The following TTC21B variants were observed in gnomAD, a reference collection of about 807,000 sequenced individuals.
TTC21B encodes the protein tetratricopeptide repeat protein 21B.
TTC21B carries 127 observed loss-of-function variants against 175.1 expected under a neutral mutation model. The observed-to-expected ratio is 0.73, with a 90% confidence interval of 0.63 to 0.84. The LOEUF is 0.84. Among genes scored for constraint, TTC21B ranks in the 40% least tolerant of loss-of-function variants. The pLI, the probability that TTC21B is intolerant of heterozygous loss-of-function variation, is 0.00. For missense variants in TTC21B, 1,561 were observed against 1,558.3 expected, an observed-to-expected ratio of 1.00 and a Z score of -0.03; for synonymous variants, 524 against 524.5, an observed-to-expected ratio of 1.00 and a Z score of 0.01.
intron 24 of TTC21B, 99 bp downstream of exon 24, chr2:165,890,380 C>A: frequency 8.9e-7 from 1 of 1,117,994 alleles, no homozygotes; most frequent in Non-Finnish European, 1.3e-6. Context: ...TCTGACCTTT[C>A]ATTATTGCTA....
intron 1 of TTC21B, among the ~76,000 whole-genome samples, chr2:165,950,311 T>C (rs1207464929): frequency 6.6e-6 from 1 of 152,216 alleles, no homozygotes; most frequent in Non-Finnish European, 1.5e-5. Flanking sequence ...TTAAGCTTTT[T>C]CCAAAGTTAT....
At chr2:165,930,108 G>T in intron 9 of TTC21B, 64 bp downstream of exon 9, 1 of 1,473,700 alleles carries the variant, frequency 6.8e-7, no homozygotes, top group South Asian at 1.2e-5. Context: ...TTCTCTAATG[G>T]CAAGTTAAAA....
chr2:165,941,058 C>A lies in TTC21B; in HGVS notation c.679G>T (p.Asp227Tyr). Reference sequence around the variant, plus strand: ...GCTGTCTCAACTGTCTGGTCCCAATCCTGCAAGGCTAGTTGTAATTTCATT... The same window carrying A: ...GCTGTCTCAACTGTCTGGTCCCAATACTGCAAGGCTAGTTGTAATTTCATT... The part of the protein sequence containing the change: ...KKMKLQLALQ[D>Y]WDQTVETAQR... Residue 227 changes from aspartate to tyrosine, a missense_variant, in exon 6 of 29, where the codon GAT becomes TAT. By Grantham distance (160) the Asp-to-Tyr change is radical. Coordinates refer to ENST00000243344, the MANE Select transcript of TTC21B (RefSeq NM_024753.5). 6.2e-7 allele frequency: 1 copy of A among 1,613,936 alleles called. No homozygotes were observed.
chr2:165,926,635 G>A (rs962514352), intron 11 of TTC21B, among the ~76,000 whole-genome samples: 3 of 152,152 alleles, frequency 2.0e-5, no homozygotes, highest in Non-Finnish European at 4.4e-5. Flanking sequence ...TCCTGGGTGT[G>A]TCTGTGAGGA....
intron 11 of TTC21B, among the ~76,000 whole-genome samples, chr2:165,925,290 A>C (rs1686588375): frequency 6.6e-6 from 1 of 152,198 alleles, no homozygotes; most frequent in Non-Finnish European, 1.5e-5. Context: ...ATGATAATTA[A>C]AGTGATACTA....
chr2:165,903,539 C>G (rs1391126972), intron 19 of TTC21B, among the ~76,000 whole-genome samples: 1 of 152,112 alleles, frequency 6.6e-6, no homozygotes, highest in Admixed American at 6.5e-5. Flanking sequence ...GAAGAACTGA[C>G]TAGAGGGAAA....
rs747616443 is a variant in TTC21B, at chr2:165,890,904, G to C, written c.3035C>G (p.Ala1012Gly). 1 of 1,612,784 alleles carries C rather than the reference G, an allele frequency of 6.2e-7. No individual in the cohort carries two copies. The highest frequency in any genetic ancestry group is 2.2e-5 in the East Asian group (1 of 44,774). The change falls in exon 23 of 29, where the codon GCT becomes GGT. Residue 1012 changes from alanine to glycine, a missense_variant. By Grantham distance (60) the Ala-to-Gly change is moderately conservative. Transcript: ENST00000243344. ...LEDVPRFFSMAEKRNSRAKLE... is the reference protein window; with the variant it reads ...LEDVPRFFSMGEKRNSRAKLE... ...TTTTGCTCTGGAGTTACGTTTCTCA[G>C]CCATTGAGAAAAATCTTGGGACATC...
At chr2:165,892,345 A>T (rs1685223352) in intron 22 of TTC21B, among the ~76,000 whole-genome samples, 1 of 152,192 alleles carries the variant, frequency 6.6e-6, no homozygotes, top group African/African-American at 2.4e-5. Flanking sequence ...CATGTAATTC[A>T]GCAACTTTCC....
At chr2:165,903,756 A>C (rs1033707243) in intron 19 of TTC21B, among the ~76,000 whole-genome samples, 2 of 152,246 alleles carry the variant, frequency 1.3e-5, no homozygotes, top group Non-Finnish European at 2.9e-5. Context: ...CTTTGCAAAA[A>C]CACTATGACA....
intron 12 of TTC21B, among the ~76,000 whole-genome samples, chr2:165,919,706 T>C (rs1197701894): frequency 6.6e-6 from 1 of 152,216 alleles, no homozygotes; most frequent in African/African-American, 2.4e-5. Flanking sequence ...CTGGTGTTAC[T>C]GAGAGGCCAA....
intron 14 of TTC21B, among the ~76,000 whole-genome samples, chr2:165,916,218 G>C (rs973422608): frequency 2.0e-5 from 3 of 152,322 alleles, no homozygotes; most frequent in Admixed American, 6.5e-5. Context: ...AGCTATGATT[G>C]TATCACTGGA....
At chr2:165,905,402 T>C (rs1030454941) in intron 19 of TTC21B, among the ~76,000 whole-genome samples, 2 of 152,012 alleles carry the variant, frequency 1.3e-5, no homozygotes, top group Admixed American at 6.6e-5. Context: ...AAAAATTGTA[T>C]GCTGACAGAT....
chr2:165,930,732 G>GGGGTGTGT (rs376602791), intron 8 of TTC21B, among the ~76,000 whole-genome samples: 9 of 110,918 alleles, frequency 8.1e-5, no homozygotes, highest in Non-Finnish European at 1.4e-4. Context: ...TGGGTATGGG[G>GGGGTGTGT]GTGTGTGTGT....
At chr2:165,946,390 T>C (rs1279201436) in intron 3 of TTC21B, among the ~76,000 whole-genome samples, 4 of 152,118 alleles carry the variant, frequency 2.6e-5, no homozygotes, top group African/African-American at 9.7e-5. Flanking sequence ...ATTTGTAGTT[T>C]TCATAAAACT....
chr2:165,881,546 G>A (rs536396433), intron 26 of TTC21B, among the ~76,000 whole-genome samples: 14 of 152,072 alleles, frequency 9.2e-5, no homozygotes, highest in Admixed American at 2.6e-4. Context: ...ATTTATCCCC[G>A]AGTTTCTCAC....
At chr2:165,915,586 C>A in intron 14 of TTC21B, 147 bp from the exon 15 acceptor site, 1 of 800,984 alleles carries the variant, frequency 1.2e-6, no homozygotes, top group Non-Finnish European at 2.0e-6. Flanking sequence ...TCTGAAACCT[C>A]AAAAATTTAA....
chr2:165,945,880 TA>T (rs1687540959), intron 3 of TTC21B, among the ~76,000 whole-genome samples, 190 bp from the exon 4 acceptor site: 1 of 152,202 alleles, frequency 6.6e-6, no homozygotes, highest in Non-Finnish European at 1.5e-5. Flanking sequence ...AAGAAACAAT[TA>T]AAATTAATCT....
chr2:165,887,642 G>A (rs929957144), intron 25 of TTC21B, among the ~76,000 whole-genome samples: 1 of 151,746 alleles, frequency 6.6e-6, no homozygotes, highest in East Asian at 1.9e-4. Context: ...AGCTGAGATC[G>A]CGCCATTGCA....
chr2:165,931,263 T>A (rs1686896144), intron 8 of TTC21B, among the ~76,000 whole-genome samples: 1 of 152,108 alleles, frequency 6.6e-6, no homozygotes, highest in Non-Finnish European at 1.5e-5. Context: ...TCATTCCTTG[T>A]ATTGATTTTG....
Sources: gnomAD v4.1 joint callset for allele counts (sites outside exome capture counted in the v4.1 genomes callset) on GRCh38, gnomAD v4.1.1 for gene constraint, MANE v1.5 for transcripts, NCBI Gene and HGNC (gene_info 2026-07-23, HGNC 2026-07-21) for gene names.